Variants in WIPF2 observed in about 807,000 individuals in gnomAD.
WIPF2 encodes the protein WAS/WASL-interacting protein family member 2.
A neutral mutation model predicts 38.8 loss-of-function variants in WIPF2; 23 were observed. That is an observed-to-expected ratio of 0.59 (90% confidence interval 0.43 to 0.84). WIPF2 has a LOEUF of 0.84. Among genes scored for constraint, WIPF2 ranks in the 40% least tolerant of loss-of-function variants. The pLI is 0.00. For missense variants in WIPF2, 574 were observed against 580.5 expected, an observed-to-expected ratio of 0.99 and a Z score of 0.11; for synonymous variants, 210 against 223.2, an observed-to-expected ratio of 0.94 and a Z score of 0.53.
chr17:40,241,605 T>TA (rs2031192793), intron 1 of WIPF2, among the ~76,000 whole-genome samples: 1 of 152,172 alleles, frequency 6.6e-6, no homozygotes. Flanking sequence ...AAATACTAGT[T>TA]ATGAACATTG....
chr17:40,228,010 G>T (rs28664188), intron 1 of WIPF2, among the ~76,000 whole-genome samples: 13,121 of 79,442 alleles, frequency 0.17, 1,240 homozygotes, highest in East Asian at 0.31. Flanking sequence ...ACCTCTTTTT[G>T]TTTTTTTTTT....
chr17:40,260,983 G>A (rs778500435), intron 3 of WIPF2: 21 of 358,400 alleles, frequency 5.9e-5, no homozygotes, highest in Non-Finnish European at 9.6e-5. Flanking sequence ...ATGTCACTGC[G>A]CCACTGCACT....
At chr17:40,239,583 G>T (rs1378564894) in intron 1 of WIPF2, among the ~76,000 whole-genome samples, 1 of 151,808 alleles carries the variant, frequency 6.6e-6, no homozygotes, top group Non-Finnish European at 1.5e-5. Context: ...AGCTGGGGAG[G>T]TAGGAGAGGT....
chr17:40,274,045 C>T (rs762610652), intron 6 of WIPF2, 46 bp downstream of exon 6: 1 of 1,458,818 alleles, frequency 6.9e-7, no homozygotes, highest in East Asian at 2.5e-5. Flanking sequence ...GCGGTGACTT[C>T]ACCCACTCCA....
At chr17:40,253,508 A>G (rs1292584739) in intron 1 of WIPF2, among the ~76,000 whole-genome samples, 1 of 152,140 alleles carries the variant, frequency 6.6e-6, no homozygotes, top group East Asian at 1.9e-4. Context: ...TTTATTTTAA[A>G]TTCCTTTCCC....
In WIPF2 at chr17:40,280,802, T is replaced by C. The variant is rs2032530720; in HGVS notation, c.*2577T>C. The C allele has an allele frequency of 6.6e-6, 1 of 152,480 alleles. No homozygotes were observed. 9.4% of individuals were successfully genotyped at this position (152,480 alleles called of 1,614,324 possible). ...CAGCACTTGGACTGTGTCACATGGG[T>C]ATTGATTGTATACTTGTTGTCTTGG... is the stretch of plus-strand genomic sequence containing the variant. On this transcript the variant is annotated 3_prime_UTR_variant, in exon 8 of 8. Coordinates refer to ENST00000323571, the MANE Select transcript of WIPF2 (RefSeq NM_133264.5).
chr17:40,278,082 A>T, intron 7 of WIPF2, 103 bp from the exon 8 acceptor site: 2 of 1,328,210 alleles, frequency 1.5e-6, no homozygotes, highest in Non-Finnish European at 2.1e-6. Context: ...CAGATTTTAA[A>T]GGTTAGCTTA....
intron 2 of WIPF2, 24 bp downstream of exon 2, chr17:40,256,546 A>T: frequency 4.4e-6 from 7 of 1,591,444 alleles, no homozygotes; most frequent in Non-Finnish European, 6.0e-6. Flanking sequence ...CCATTAGGCT[A>T]TCTCAAAACC....
chr17:40,234,462 A>T (rs1030938907), intron 1 of WIPF2, among the ~76,000 whole-genome samples: 1 of 151,792 alleles, frequency 6.6e-6, no homozygotes, highest in East Asian at 1.9e-4. Context: ...CAAAAAAAAC[A>T]ACCGGAAATT....
intron 6 of WIPF2, among the ~76,000 whole-genome samples, chr17:40,274,584 A>AAAAAG (rs1397824646): frequency 1.4e-5 from 2 of 147,522 alleles, no homozygotes; most frequent in African/African-American, 5.0e-5. Flanking sequence ...AAAAAAAAAA[A>AAAAAG]AAAAGAAAAG....
chr17:40,255,969 T>C (rs8080931), intron 1 of WIPF2, among the ~76,000 whole-genome samples: 23,663 of 151,628 alleles, frequency 0.16, 1,972 homozygotes, highest in East Asian at 0.29. Flanking sequence ...ACATGCATGC[T>C]TGTAGTCCCA....
intron 1 of WIPF2, among the ~76,000 whole-genome samples, chr17:40,251,748 T>G (rs2031567905): frequency 6.6e-6 from 1 of 152,210 alleles, no homozygotes; most frequent in Non-Finnish European, 1.5e-5. Flanking sequence ...GTTTTTCTCA[T>G]GTACATGTAG....
chr17:40,250,937 T>G (rs955308353), intron 1 of WIPF2, among the ~76,000 whole-genome samples: 3 of 148,086 alleles, frequency 2.0e-5, no homozygotes, highest in Non-Finnish European at 4.5e-5. Context: ...TTTTTTTTTT[T>G]GAGTCTCGCT....
In WIPF2 at chr17:40,265,313, CA is replaced by C. The variant is rs996780699; in HGVS notation, c.970+174del. On this transcript the variant is annotated intron_variant, in intron 5 of 7. Transcript: ENST00000323571. Reference sequence around the variant, plus strand: ...GGGAAATAGCAATAAATAGAAAAGACAAAAAAATTTGACAGTCAAACTAGTA... The same window carrying C: ...GGGAAATAGCAATAAATAGAAAAGACAAAAAATTTGACAGTCAAACTAGTA... 5.9e-5 allele frequency among the ~76,000 whole-genome samples: 9 copies of C among 152,040 alleles called. No individual in the cohort carries two copies. In the South Asian group the frequency reaches 1.9e-3, roughly 32 times the overall value.
At chr17:40,272,507 G>A (rs993287973) in intron 5 of WIPF2, among the ~76,000 whole-genome samples, 2 of 152,208 alleles carry the variant, frequency 1.3e-5, no homozygotes, top group Non-Finnish European at 2.9e-5. Flanking sequence ...TGAATCTGCT[G>A]TATATATTTT....
At chr17:40,252,334 TC>T (rs1346669942) in intron 1 of WIPF2, among the ~76,000 whole-genome samples, 2 of 152,058 alleles carry the variant, frequency 1.3e-5, no homozygotes, top group South Asian at 4.1e-4. Context: ...TTCTAGGAGA[TC>T]CTTTCAATTA....
intron 1 of WIPF2, among the ~76,000 whole-genome samples, chr17:40,221,518 G>T (rs558807743): frequency 3.5e-4 from 53 of 151,962 alleles, no homozygotes; most frequent in African/African-American, 1.2e-3. Context: ...AGGATTGCTT[G>T]AGTCTAAGAG....
chr17:40,244,498 C>A (rs1044076006), intron 1 of WIPF2, among the ~76,000 whole-genome samples: 5 of 152,150 alleles, frequency 3.3e-5, no homozygotes, highest in Non-Finnish European at 7.3e-5. Context: ...CCCTGGAAGG[C>A]CTTCAGTTAG....
chr17:40,223,129 G>C (rs2145266667), intron 1 of WIPF2, among the ~76,000 whole-genome samples: 1 of 152,052 alleles, frequency 6.6e-6, no homozygotes, highest in South Asian at 2.1e-4. Context: ...AGAATGTAGT[G>C]TTTGTTTTTT....
Sources: gnomAD v4.1 joint callset for allele counts (sites outside exome capture counted in the v4.1 genomes callset) on GRCh38, gnomAD v4.1.1 for gene constraint, MANE v1.5 for transcripts, NCBI Gene and HGNC (gene_info 2026-07-23, HGNC 2026-07-21) for gene names.